The following ACOT1 variants were observed in gnomAD, a reference collection of about 807,000 sequenced individuals.
ACOT1 encodes the protein acyl-coenzyme A thioesterase 1.
Under a neutral mutation model 15.7 loss-of-function variants are expected in ACOT1, and 8 were observed. That is an observed-to-expected ratio of 0.51 (90% CI 0.30 to 0.92). The LOEUF (loss-of-function observed/expected upper bound fraction) is 0.92, where lower values mean the gene tolerates loss of function less well. Among genes scored for constraint, ACOT1 ranks in the 40% least tolerant of loss-of-function variants. The pLI is 0.06. For synonymous variants in ACOT1, 67 were observed against 241.2 expected, an observed-to-expected ratio of 0.28 and a Z score of 6.69; for missense variants, 151 against 539.4, an observed-to-expected ratio of 0.28 and a Z score of 7.13.
chr14:73,527,485 C>T, the ACOT1 span: 1 of 151,622 alleles, frequency 6.6e-6, no homozygotes, highest in African/African-American at 2.4e-5. Flanking sequence ...AGAAAGGCTG[C>T]TCTGCCTATG....
the ACOT1 span, chr14:73,491,243 G>C: frequency 1.1e-5 from 17 of 1,587,144 alleles, no homozygotes; most frequent in Non-Finnish European, 1.2e-5. Context: ...CGACGACCTG[G>C]GGGACGCGCT....
chr14:73,535,643 T>A (rs543611668), upstream of ACOT1, among the ~76,000 whole-genome samples: 1 of 111,340 alleles, frequency 9.0e-6, no homozygotes, highest in Non-Finnish European at 1.9e-5. Context: ...GAATTTTTTG[T>A]ATTTTTGGTT....
At chr14:73,523,118 G>A in the ACOT1 span, 1 of 1,606,574 alleles carries the variant, frequency 6.2e-7, no homozygotes, top group Non-Finnish European at 8.5e-7. Context: ...GAAGCAATGG[G>A]GGAGAAAGGT....
At chr14:73,527,961 C>CAAAAA in the ACOT1 span, among the ~76,000 whole-genome samples, 8 of 52,678 alleles carry the variant, frequency 1.5e-4, no homozygotes, top group South Asian at 1.5e-3. Flanking sequence ...AACTCCATCT[C>CAAAAA]AAAAAAAAAA....
the ACOT1 span, among the ~76,000 whole-genome samples, chr14:73,508,983 C>T: frequency 2.6e-5 from 4 of 151,986 alleles, no homozygotes; most frequent in African/African-American, 9.7e-5. Flanking sequence ...AGGTCTGCCT[C>T]AGCCTCCTAG....
At chr14:73,491,476 A>G in the ACOT1 span, 2 of 1,494,054 alleles carry the variant, frequency 1.3e-6, no homozygotes, top group African/African-American at 1.4e-5. Flanking sequence ...GCACCGCGCA[A>G]CACTTAGCGG....
At chr14:73,506,806 T>TTTTTTTTTTTTTTTTTTTTG in the ACOT1 span, among the ~76,000 whole-genome samples, 1 of 65,916 alleles carries the variant, frequency 1.5e-5, no homozygotes, top group African/African-American at 5.7e-5. Context: ...CTTTAACTGT[T>TTTTTTTTTTTTTTTTTTTTG]TTTTTTTTTT....
chr14:73,526,473 G>T, the ACOT1 span, among the ~76,000 whole-genome samples: 2 of 152,206 alleles, frequency 1.3e-5, no homozygotes, highest in Non-Finnish European at 2.9e-5. Context: ...GAACAAGGGA[G>T]TGCCTGCATC....
the ACOT1 span, chr14:73,493,044 G>A: frequency 1.3e-5 from 21 of 1,583,746 alleles, no homozygotes; most frequent in Non-Finnish European, 1.8e-5. Flanking sequence ...ACCTTGATAA[G>A]CATCAGTGTG....
At chr14:73,502,888 G>C in the ACOT1 span, 2 of 1,601,326 alleles carry the variant, frequency 1.2e-6, no homozygotes, top group African/African-American at 1.3e-5. Flanking sequence ...TGTTGACTGG[G>C]TCTTACCTGA....
At chr14:73,535,613 C>T (rs1363607509), upstream of ACOT1, among the ~76,000 whole-genome samples, 3 of 107,586 alleles carry the variant, frequency 2.8e-5, 1 homozygote, top group South Asian at 6.1e-4. Context: ...GGACTACAGG[C>T]GCCTGCCACC....
rs57839054 is a variant in ACOT1 at position 73,542,403 on chromosome 14, CT to C, written c.661-628del. Among the ~76,000 whole-genome samples, 901 of 83,446 alleles carry C rather than the reference CT, an allele frequency of 0.011. 225 individuals are homozygous for C. The South Asian group carries it at 0.18, about 17-fold the overall frequency. The allele number at this position is 83,446 out of a possible 152,430, so 54.7% of individuals were successfully genotyped here. A position where few individuals can be genotyped will look rare whatever the true frequency, so the allele number is the denominator to read the frequency against. On this transcript the variant is annotated intron_variant, in intron 2 of 2. Transcript: ENST00000311148. ...TTAAATTCCAGTATGTTTTTTCTTT[CT>C]TTTTTTTTTTTTTTTTTTAAGACGG...
the ACOT1 span, among the ~76,000 whole-genome samples, chr14:73,512,963 C>G: frequency 6.6e-6 from 1 of 152,160 alleles, no homozygotes; most frequent in Non-Finnish European, 1.5e-5. Context: ...CCTTGCCAGG[C>G]CATTACTTTG....
chr14:73,492,521 G>A, the ACOT1 span: 1 of 1,613,676 alleles, frequency 6.2e-7, no homozygotes, highest in Non-Finnish European at 8.5e-7. The surrounding 1 kb of genome is among the most constrained non-coding windows in gnomAD (Gnocchi z 4.9). Context: ...CGACCAGCGA[G>A]CCAAAGACTT....
the ACOT1 span, among the ~76,000 whole-genome samples, chr14:73,501,877 C>T: frequency 6.6e-6 from 1 of 151,906 alleles, no homozygotes; most frequent in Admixed American, 6.6e-5. Flanking sequence ...CCTCAGCCTC[C>T]CGAATAGCTG....
At chr14:73,522,819 G>T in the ACOT1 span, 100 of 1,614,172 alleles carry the variant, frequency 6.2e-5, no homozygotes, top group African/African-American at 9.9e-4. Context: ...TTCTGAGGCC[G>T]GGCCTTCCTG....
chr14:73,495,318 C>G, the ACOT1 span: 34 of 1,613,922 alleles, frequency 2.1e-5, no homozygotes, highest in East Asian at 7.1e-4. Flanking sequence ...TCCTCCCTCA[C>G]TTTTCCCATG....
upstream of ACOT1, among the ~76,000 whole-genome samples, chr14:73,534,905 C>A (rs140008880): frequency 1.2e-3 from 129 of 110,320 alleles, 31 homozygotes; most frequent in East Asian, 5.7e-3. Context: ...AGGCCTCCCC[C>A]CTAACAGCTG....
the ACOT1 span, chr14:73,499,159 T>C: frequency 6.2e-7 from 1 of 1,609,754 alleles, no homozygotes; most frequent in East Asian, 2.2e-5. Flanking sequence ...GAAAAGGCAG[T>C]GTTGAGTGGG....
Sources: gnomAD v4.1 joint callset for allele counts (sites outside exome capture counted in the v4.1 genomes callset) on GRCh38, gnomAD v4.1.1 for gene constraint, Gnocchi (gnomAD v3.1) non-coding constraint, MANE v1.5 for transcripts, NCBI Gene and HGNC (gene_info 2026-07-23, HGNC 2026-07-21) for gene names.